Variants in GDI2 observed in about 807,000 individuals in gnomAD.
GDI2 encodes the protein rab GDP dissociation inhibitor beta.
In GDI2, 22 loss-of-function variants were observed where a neutral mutation model predicts 54.2. The ratio of observed to expected loss-of-function variants is 0.41; its 90% CI spans 0.29 to 0.58. GDI2 has a LOEUF of 0.58. Ranked by LOEUF, GDI2 falls within the 20% of genes least tolerant of loss-of-function variation. The pLI is 0.35. For synonymous variants in GDI2, 177 were observed against 182.1 expected (o/e 0.97, Z 0.23); for missense variants, 422 against 546.0 (o/e 0.77, Z 2.26).
Position 5,776,380 on chromosome 10 carries a change from G to T in GDI2, c.720-2439C>A. 1.4e-6 allele frequency: 1 copy of T among 723,504 alleles called. No homozygotes were observed. Among genetic ancestry groups the T allele is most frequent in the Non-Finnish European group, 2.5e-6 (1 of 396,656 alleles). 44.8% of individuals were successfully genotyped at this position (723,504 alleles called of 1,614,324 possible). On this transcript the variant is annotated intron_variant, in intron 6 of 10. Transcript: ENST00000380191. This position sits in a 1 kb window ranked among gnomAD's most constrained non-coding sequence, Gnocchi z 5.3. ...CAGAGCCCCCTTTCTCAGAAGCACAGCCCTTTCACAGAGAAATGCCTGCCT... is the reference window on the plus strand; with the variant it reads ...CAGAGCCCCCTTTCTCAGAAGCACATCCCTTTCACAGAGAAATGCCTGCCT...
intron 7 of GDI2, among the ~76,000 whole-genome samples, chr10:5,770,770 A>T (rs1376806107): frequency 6.6e-6 from 1 of 152,064 alleles, no homozygotes; most frequent in Non-Finnish European, 1.5e-5. Flanking sequence ...GTTTGAGACC[A>T]GCCTGGCCAA....
intron 5 of GDI2, 113 bp from the exon 6 acceptor site, chr10:5,785,386 G>GT (rs1489777270): frequency 3.7e-6 from 3 of 810,070 alleles, no homozygotes; most frequent in African/African-American, 1.7e-5. Context: ...TTGTTTTTTT[G>GT]TTTTTTGAGA....
In GDI2 at chr10:5,800,659, A is replaced by C. The variant is rs1202362843; in HGVS notation, c.92T>G (p.Leu31Arg). 6.2e-7 allele frequency: 1 copy of C among 1,600,772 alleles called. No homozygotes were observed. Among genetic ancestry groups the C allele is most frequent in the South Asian group, 1.1e-5 (1 of 90,854 alleles). The change falls in exon 2 of 11, where the codon CTT becomes CGT. Residue 31 changes from leucine (L) to arginine (R), a missense_variant. Transcript: ENST00000380191. ...GIMSVNGKKVLHMDRNPYYGG... is the reference protein window; with the variant it reads ...GIMSVNGKKVRHMDRNPYYGG... ...GTAGTAAGGGTTTCGATCCATATGA[A>C]GAACTTTCTTGCCATTCACTGACAT...
rs1262417527 is a variant in GDI2, at chr10:5,805,958, C to T, written c.46-5253G>A. Among the ~76,000 whole-genome samples, 3 of 152,214 alleles carry T rather than the reference C, an allele frequency of 2.0e-5. No individual in the cohort carries two copies. In the South Asian group the frequency reaches 6.2e-4, roughly 32 times the overall value. Reference sequence around the variant, plus strand: ...TACCACAATTTACTTCTCCATTTTACTCCTGGTGGATATTTGGATAGTTTC... The same window carrying T: ...TACCACAATTTACTTCTCCATTTTATTCCTGGTGGATATTTGGATAGTTTC... On this transcript the variant is annotated intron_variant, in intron 1 of 10. Transcript: ENST00000380191.
intron 2 of GDI2, among the ~76,000 whole-genome samples, chr10:5,798,720 GTA>G (rs60583998): frequency 0.17 from 25,774 of 152,030 alleles, 2,449 homozygotes; most frequent in Admixed American, 0.23. Flanking sequence ...GCTCACACCT[GTA>G]ACCGCAGCAC....
chr10:5,767,663 T>A (rs1052667726), intron 8 of GDI2, among the ~76,000 whole-genome samples: 5 of 152,188 alleles, frequency 3.3e-5, no homozygotes, highest in African/African-American at 1.2e-4. Flanking sequence ...CTGATTACCC[T>A]TTTTAAGCTG....
At chr10:5,806,264 A>C (rs1841378021) in intron 1 of GDI2, among the ~76,000 whole-genome samples, 1 of 152,144 alleles carries the variant, frequency 6.6e-6, no homozygotes. Flanking sequence ...AAGGTTGAAC[A>C]CTTTTTAAAT....
chr10:5,766,519 C>G lies in GDI2; in HGVS notation c.1111G>C (p.Glu371Gln), dbSNP rs1206808947. The change falls in exon 9 of 11, where the codon GAG (glutamate) becomes CAG (glutamine). Residue 371 changes from glutamate to glutamine, a missense_variant. Coordinates refer to ENST00000380191, the MANE Select transcript of GDI2 (RefSeq NM_001494.4). This position sits in a 1 kb window ranked among gnomAD's most constrained non-coding sequence, Gnocchi z 5.8. Reference protein sequence around the residue: ...EPEKEIRPALELLEPIEQKFV... With the variant: ...EPEKEIRPALQLLEPIEQKFV... Reference sequence around the variant, plus strand: ...TTCTGTTCAATTGGTTCCAAGAGCTCCAAAGCTGGTCTGATTTCCTTCTCA... The same window carrying G: ...TTCTGTTCAATTGGTTCCAAGAGCTGCAAAGCTGGTCTGATTTCCTTCTCA... The G allele has an allele frequency of 6.2e-7, 1 of 1,613,742 alleles. No homozygotes were observed. Among genetic ancestry groups the G allele is most frequent in the Non-Finnish European group, 8.5e-7 (1 of 1,179,988 alleles).
At chr10:5,812,666 C>T (rs749617788) in intron 1 of GDI2, among the ~76,000 whole-genome samples, 5 of 152,236 alleles carry the variant, frequency 3.3e-5, no homozygotes, top group Non-Finnish European at 5.9e-5. Flanking sequence ...CTAATTTCCA[C>T]GTTTTCGCCA....
At position 5,806,198 on chromosome 10, in the gene GDI2, T is replaced by C. The variant is rs78839381; in HGVS notation, c.46-5493A>G. 1.1e-3 allele frequency among the ~76,000 whole-genome samples: 163 copies of C among 152,356 alleles called. 3 individuals carry two copies. The East Asian group carries it at 0.023, about 21-fold the overall frequency. ...TTGACCACTTACACTGTTGCCTTTT[T>C]AATTTTAGCCATTCTAGTTAAGAAG... On this transcript the variant is annotated intron_variant, in intron 1 of 10. Transcript: ENST00000380191.
rs1366678453 is a variant in GDI2 at position 5,785,350 on chromosome 10, G to A, written c.588-77C>T. 2.8e-6 allele frequency: 3 copies of A among 1,072,242 alleles called. No homozygotes were observed. The East Asian group carries it at 7.6e-5, about 27-fold the overall frequency. The allele number at this position is 1,072,242 out of a possible 1,614,324, so 66.4% of individuals were successfully genotyped here. A position where few individuals can be genotyped will look rare whatever the true frequency, so the allele number is the denominator to read the frequency against. ...TGTTCAATTTATAATTTTTTTTGAA[G>A]CGATTTCAATCCGCTATCTTCTTTT... On this transcript the variant is annotated intron_variant, in intron 5 of 10. Coordinates refer to ENST00000380191, the MANE Select transcript of GDI2 (RefSeq NM_001494.4).
chr10:5,784,740 G>A (rs1840835125), intron 6 of GDI2, among the ~76,000 whole-genome samples: 1 of 152,218 alleles, frequency 6.6e-6, no homozygotes, highest in Non-Finnish European at 1.5e-5. Context: ...GCTCTAAGCT[G>A]GTACTGGAGA....
At chr10:5,785,548 G>T (rs978049192) in intron 5 of GDI2, among the ~76,000 whole-genome samples, 3 of 151,962 alleles carry the variant, frequency 2.0e-5, no homozygotes, top group African/African-American at 7.3e-5. Flanking sequence ...ACTAATTTTT[G>T]CATTTTTAGT....
Position 5,794,839 on chromosome 10 carries a change from T to C in GDI2, c.388+46A>G, listed in dbSNP as rs766615209. 8 of 1,326,176 alleles carry C rather than the reference T, an allele frequency of 6.0e-6. No individual in the cohort carries two copies. The South Asian group carries it at 9.6e-5, about 16-fold the overall frequency. The allele number at this position is 1,326,176 out of a possible 1,614,324, so 82.2% of individuals were successfully genotyped here. A position where few individuals can be genotyped will look rare whatever the true frequency, so the allele number is the denominator to read the frequency against. On this transcript the variant is annotated intron_variant, in intron 4 of 10. Coordinates refer to ENST00000380191, the MANE Select transcript of GDI2 (RefSeq NM_001494.4). ...TCTTTTCCAGTATAAAATCTCATTA[T>C]TCTGAGAAAATAAAACTAGTTACTA...
At position 5,787,829 on chromosome 10, in the gene GDI2, T is replaced by C. The variant is rs577714293; in HGVS notation, c.389-1779A>G. Among the ~76,000 whole-genome samples, 4 of 152,366 alleles carry C rather than the reference T, an allele frequency of 2.6e-5. No individual in the cohort carries two copies. The South Asian group carries it at 6.2e-4, about 24-fold the overall frequency. On this transcript the variant is annotated intron_variant, in intron 4 of 10. Coordinates refer to ENST00000380191, the MANE Select transcript of GDI2 (RefSeq NM_001494.4). ...GTTATTTTGGAGTATCTCCCAACTT[T>C]TGTTTATTTAATAGAAACCTGAGTT... is the stretch of plus-strand genomic sequence containing the variant.
At chr10:5,807,412 G>T (rs1309276048) in intron 1 of GDI2, among the ~76,000 whole-genome samples, 2 of 152,144 alleles carry the variant, frequency 1.3e-5, no homozygotes, top group Non-Finnish European at 2.9e-5. Context: ...TGTACATCAA[G>T]TAACTTTAAC....
intron 6 of GDI2, among the ~76,000 whole-genome samples, chr10:5,783,512 GT>G (rs551026260): frequency 1.3e-5 from 2 of 151,734 alleles, no homozygotes; most frequent in East Asian, 3.9e-4. Context: ...TGAACACCTT[GT>G]TTTTTTTCTT....
chr10:5,813,260 G>T lies in GDI2; in HGVS notation c.-2C>A. On this transcript the variant is annotated 5_prime_UTR_variant, in exon 1 of 11. Transcript: ENST00000380191. ...GATCACGTCGTACTCCTCATTCATG[G>T]CGGGGCAGGCGCGGACGCAGGACCC... 1 of 1,576,278 alleles carries T rather than the reference G, an allele frequency of 6.3e-7. No individual in the cohort carries two copies.
Position 5,813,330 on chromosome 10 carries a change from T to G in GDI2, c.-72A>C, listed in dbSNP as rs1841516358. The G allele has an allele frequency of 2.6e-6, 3 of 1,136,824 alleles. No individual in the cohort carries two copies. In the South Asian group the frequency reaches 4.0e-5, roughly 15 times the overall value. The allele number at this position is 1,136,824 out of a possible 1,614,324, so 70.4% of individuals were successfully genotyped here. ...GGGCTCCGTGACCACCCTACGAGGC[T>G]GGGAGGCGCTCTTGGGCGCGAAGGA... On this transcript the variant is annotated 5_prime_UTR_variant, in exon 1 of 11. Transcript: ENST00000380191.
Sources: allele counts gnomAD v4.1 joint callset (sites outside exome capture counted in the v4.1 genomes callset), GRCh38; gene constraint gnomAD v4.1.1; non-coding constraint Gnocchi (gnomAD v3.1); transcripts MANE v1.5; gene names NCBI Gene and HGNC (gene_info 2026-07-23, HGNC 2026-07-21).